Variants in CRLF3 observed in about 807,000 individuals in gnomAD.
CRLF3 encodes cytokine receptor like factor 3, also known as cytokine receptor-like factor 3.
CRLF3 carries 33 observed loss-of-function variants against 55.0 expected under a neutral mutation model. That is an observed-to-expected ratio of 0.60 (90% CI 0.46 to 0.80). The LOEUF is 0.80. Ranked by LOEUF, CRLF3 falls within the 30% of genes least tolerant of loss-of-function variation. CRLF3 has a pLI of 0.00. For missense variants in CRLF3, 494 were observed against 538.4 expected, an observed-to-expected ratio of 0.92 and a Z score of 0.82; for synonymous variants, 238 against 196.8, an observed-to-expected ratio of 1.21 and a Z score of -1.75.
rs567941174 is a variant in CRLF3, at chr17:30,803,317, TTTC to T, written c.337+581_337+583del. Among the ~76,000 whole-genome samples the T allele has an allele frequency of 2.9e-3, 444 of 152,292 alleles. 1 individual carries two copies. The highest frequency in any genetic ancestry group is 4.6e-3 in the Non-Finnish European group (315 of 68,026). On this transcript the variant is annotated intron_variant, in intron 2 of 7. Transcript: ENST00000324238. Reference sequence around the variant, plus strand: ...TCAATGTGCCCCATATCATTTATTCTTTCTTGTTTTATAACTAATTATAACTAA... The same window carrying T: ...TCAATGTGCCCCATATCATTTATTCTTTGTTTTATAACTAATTATAACTAA...
At chr17:30,815,442 G>A (rs1367260271) in intron 1 of CRLF3, among the ~76,000 whole-genome samples, 6 of 151,264 alleles carry the variant, frequency 4.0e-5, no homozygotes, top group Non-Finnish European at 7.4e-5. Context: ...GGCTGGTCTT[G>A]AAACCCTGAC....
chr17:30,794,803 CAAAT>C (rs1045395646), intron 4 of CRLF3, among the ~76,000 whole-genome samples: 52 of 151,932 alleles, frequency 3.4e-4, no homozygotes, highest in East Asian at 9.7e-4. Context: ...CAAAAACAAA[CAAAT>C]AAATAAAACC....
At chr17:30,788,607 T>TC (rs1223669475) in intron 6 of CRLF3, among the ~76,000 whole-genome samples, 6 of 135,302 alleles carry the variant, frequency 4.4e-5, no homozygotes, top group Non-Finnish European at 9.5e-5. Context: ...TTCTTTTTTT[T>TC]TTTTTTTTTT....
chr17:30,823,902 T>A (rs2044436788), intron 1 of CRLF3, among the ~76,000 whole-genome samples: 2 of 152,188 alleles, frequency 1.3e-5, no homozygotes, highest in South Asian at 4.1e-4. Context: ...TAGCTTCACC[T>A]TCACCTTAAA....
intron 1 of CRLF3, chr17:30,810,105 G>A (rs1302183543): frequency 6.6e-6 from 1 of 152,092 alleles, no homozygotes; most frequent in Non-Finnish European, 1.5e-5. Flanking sequence ...AGTCATTCAA[G>A]GCAAAAACAA....
intron 7 of CRLF3, 75 bp downstream of exon 7, chr17:30,785,843 TG>T (rs1401870707): frequency 1.3e-6 from 1 of 757,912 alleles, no homozygotes; most frequent in African/African-American, 1.8e-5. Context: ...TATAAATGTA[TG>T]GAACTGGAAC....
intron 3 of CRLF3, among the ~76,000 whole-genome samples, chr17:30,796,619 T>C (rs572823697): frequency 6.6e-6 from 1 of 152,286 alleles, no homozygotes; most frequent in East Asian, 1.9e-4. Context: ...TTCTAAAATT[T>C]AACAATTCTT....
chr17:30,803,637 G>T (rs1972039967), intron 2 of CRLF3: 1 of 411,010 alleles, frequency 2.4e-6, no homozygotes, highest in Non-Finnish European at 4.4e-6. Context: ...CTCCCACACT[G>T]TTCTTGGTAG....
At chr17:30,824,473 T>A (rs996486909) in intron 1 of CRLF3, 50 bp downstream of exon 1, 1 of 1,522,758 alleles carries the variant, frequency 6.6e-7, no homozygotes. Context: ...TCGCCCGGCA[T>A]CCGCGCCACC....
At chr17:30,800,773 ATTT>A (rs562388803) in intron 2 of CRLF3, among the ~76,000 whole-genome samples, 2 of 128,768 alleles carry the variant, frequency 1.6e-5, no homozygotes, top group Admixed American at 1.5e-4. Context: ...TGCCTGGCTA[ATTT>A]TTTTTTTTTT....
intron 1 of CRLF3, among the ~76,000 whole-genome samples, chr17:30,813,512 A>G (rs1318377287): frequency 6.6e-6 from 1 of 152,178 alleles, no homozygotes; most frequent in Non-Finnish European, 1.5e-5. Context: ...CAGTTGGAGG[A>G]GCAGGGGATG....
At chr17:30,805,177 A>G (rs2142263240) in intron 1 of CRLF3, among the ~76,000 whole-genome samples, 1 of 152,100 alleles carries the variant, frequency 6.6e-6, no homozygotes, top group Non-Finnish European at 1.5e-5. Context: ...GTGAGACGCC[A>G]TTTCAAAAAA....
intron 6 of CRLF3, among the ~76,000 whole-genome samples, chr17:30,788,571 A>G (rs1275639772): frequency 6.9e-6 from 1 of 144,152 alleles, no homozygotes; most frequent in South Asian, 2.3e-4. Flanking sequence ...GCAGGGACTG[A>G]CTGGGATAAA....
At chr17:30,824,379 T>A in intron 1 of CRLF3, 144 bp downstream of exon 1, 1 of 506,132 alleles carries the variant, frequency 2.0e-6, no homozygotes, top group Non-Finnish European at 2.6e-6. Flanking sequence ...GTTCCCAGAC[T>A]CCATTAGGTC....
chr17:30,811,756 G>T (rs1463864976), intron 1 of CRLF3, among the ~76,000 whole-genome samples: 1 of 135,782 alleles, frequency 7.4e-6, no homozygotes, highest in Non-Finnish European at 1.5e-5. Flanking sequence ...GTGAGCCGAG[G>T]CCGTGCCACT....
At chr17:30,788,986 C>T (rs749567173) in intron 6 of CRLF3, among the ~76,000 whole-genome samples, 2 of 152,090 alleles carry the variant, frequency 1.3e-5, no homozygotes, top group African/African-American at 2.4e-5. Flanking sequence ...TATTGTTTCT[C>T]TTGATTCAAG....
At chr17:30,784,899 ACCACCACGCC>A in intron 7 of CRLF3, 1 of 157,518 alleles carries the variant, frequency 6.3e-6, no homozygotes, top group East Asian at 1.9e-4. Flanking sequence ...ACAGGTATGT[ACCACCACGCC>A]CAGCTAATTT....
chr17:30,822,620 T>C (rs1905030506), intron 1 of CRLF3, among the ~76,000 whole-genome samples: 1 of 152,210 alleles, frequency 6.6e-6, no homozygotes, highest in Non-Finnish European at 1.5e-5. Context: ...TGTATTTAAA[T>C]TGTTGGATAT....
At chr17:30,816,488 CTT>C (rs1183953028) in intron 1 of CRLF3, among the ~76,000 whole-genome samples, 17 of 117,488 alleles carry the variant, frequency 1.4e-4, no homozygotes, top group Non-Finnish European at 1.6e-4. Flanking sequence ...TTCTTTCTTT[CTT>C]TTTTTTTTTT....
Sources: gnomAD v4.1 joint callset for allele counts (sites outside exome capture counted in the v4.1 genomes callset) on GRCh38, gnomAD v4.1.1 for gene constraint, MANE v1.5 for transcripts, NCBI Gene and HGNC (gene_info 2026-07-23, HGNC 2026-07-21) for gene names.